Variants in MALRD1 observed in about 807,000 individuals in gnomAD.
MALRD1 encodes the protein MAM and LDL-receptor class A domain-containing protein 1.
A neutral mutation model predicts 242.1 loss-of-function variants in MALRD1; 247 were observed. The observed-to-expected ratio is 1.02, with a 90% confidence interval of 0.92 to 1.13. The LOEUF (loss-of-function observed/expected upper bound fraction) is 1.13. Ranked by LOEUF, MALRD1 falls within the 50% of genes most tolerant of loss-of-function variation. The pLI, the probability that MALRD1 is intolerant of heterozygous loss-of-function variation, is 0.00. For synonymous variants in MALRD1, 995 were observed against 866.6 expected, an observed-to-expected ratio of 1.15 and a Z score of -2.60; for missense variants, 2,989 against 2,533.1, an observed-to-expected ratio of 1.18 and a Z score of -3.86.
At chr10:19,440,852 C>T (rs1265085437) in intron 28 of MALRD1, among the ~76,000 whole-genome samples, 1 of 152,130 alleles carries the variant, frequency 6.6e-6, no homozygotes, top group Non-Finnish European at 1.5e-5. Flanking sequence ...TCTTTGGGTA[C>T]ATACCCAGTA....
intron 36 of MALRD1, among the ~76,000 whole-genome samples, chr10:19,649,064 A>G (rs901193436): frequency 1.3e-5 from 2 of 152,178 alleles, no homozygotes; most frequent in African/African-American, 4.8e-5. Flanking sequence ...CACAAAAGAT[A>G]TGATCTTGTT....
At chr10:19,474,192 T>G (rs1012194717) in intron 29 of MALRD1, among the ~76,000 whole-genome samples, 1 of 152,168 alleles carries the variant, frequency 6.6e-6, no homozygotes, top group Non-Finnish European at 1.5e-5. Flanking sequence ...TTTTTATTAT[T>G]GCTTTTGTCA....
intron 8 of MALRD1, among the ~76,000 whole-genome samples, chr10:19,131,522 G>A (rs1833106371): frequency 6.6e-6 from 1 of 152,136 alleles, no homozygotes; most frequent in South Asian, 2.1e-4. Context: ...TTTGTTCTGT[G>A]TAGGGTTTCC....
chr10:19,670,292 T>TCAAAGAATTC (rs999267476), intron 36 of MALRD1, among the ~76,000 whole-genome samples: 3 of 152,176 alleles, frequency 2.0e-5, no homozygotes, highest in Non-Finnish European at 4.4e-5. Context: ...GGATTCATTG[T>TCAAAGAATTC]CAAAGAATTC....
intron 11 of MALRD1, among the ~76,000 whole-genome samples, chr10:19,147,511 T>C (rs1564422707): frequency 6.6e-6 from 1 of 152,214 alleles, no homozygotes; most frequent in Non-Finnish European, 1.5e-5. Context: ...GGACTATAAA[T>C]CATTGTAACT....
At chr10:19,228,699 A>G (rs1837905820) in intron 18 of MALRD1, among the ~76,000 whole-genome samples, 1 of 151,908 alleles carries the variant, frequency 6.6e-6, no homozygotes, top group Non-Finnish European at 1.5e-5. Context: ...CAATTAGAAC[A>G]CTCTTAGGAT....
At chr10:19,626,294 AT>A (rs35740836) in intron 36 of MALRD1, among the ~76,000 whole-genome samples, 3,280 of 134,278 alleles carry the variant, frequency 0.024, 32 homozygotes, top group Middle Eastern at 0.04. Flanking sequence ...TAAAATCAAG[AT>A]TTTTTTTTTT....
intron 29 of MALRD1, among the ~76,000 whole-genome samples, chr10:19,479,086 A>G (rs1363719185): frequency 6.6e-5 from 10 of 152,228 alleles, no homozygotes; most frequent in Admixed American, 5.2e-4. Context: ...ACACAGTTCC[A>G]TGAAATACTA....
At chr10:19,216,012 C>T (rs1837296699) in intron 18 of MALRD1, among the ~76,000 whole-genome samples, 1 of 151,620 alleles carries the variant, frequency 6.6e-6, no homozygotes, top group Non-Finnish European at 1.5e-5. Flanking sequence ...CAAGACCTTT[C>T]CTTGTCAGTG....
chr10:19,708,462 T>G (rs1833965283), intron 38 of MALRD1, among the ~76,000 whole-genome samples: 1 of 113,268 alleles, frequency 8.8e-6, no homozygotes, highest in African/African-American at 2.8e-5. Context: ...CTTAGCCTCC[T>G]TAATAGCTGC....
intron 1 of MALRD1, among the ~76,000 whole-genome samples, chr10:19,058,175 A>C (rs1186522571): frequency 6.6e-6 from 1 of 152,216 alleles, no homozygotes; most frequent in East Asian, 1.9e-4. Flanking sequence ...TAGGTAAAAG[A>C]AAACGCCAGA....
At chr10:19,286,565 T>C (rs992804099) in intron 21 of MALRD1, among the ~76,000 whole-genome samples, 2 of 152,082 alleles carry the variant, frequency 1.3e-5, no homozygotes, top group Non-Finnish European at 1.5e-5. Context: ...AACTAGAAAA[T>C]CTAGAAGAAA....
intron 12 of MALRD1, among the ~76,000 whole-genome samples, chr10:19,159,125 A>G (rs1317300834): frequency 6.6e-6 from 1 of 152,196 alleles, no homozygotes; most frequent in Non-Finnish European, 1.5e-5. Flanking sequence ...TTTATTGAAG[A>G]TTCTAACCCT....
At chr10:19,074,235 C>CA (rs751280403) in intron 2 of MALRD1, among the ~76,000 whole-genome samples, 2 of 152,048 alleles carry the variant, frequency 1.3e-5, no homozygotes, top group Admixed American at 6.6e-5. Flanking sequence ...ACTGTCCAAC[C>CA]AGGCAGCAGA....
intron 32 of MALRD1, among the ~76,000 whole-genome samples, chr10:19,540,852 C>T (rs73595830): frequency 0.044 from 6,722 of 152,198 alleles, 486 homozygotes; most frequent in African/African-American, 0.15. Flanking sequence ...CAGTGGCTCA[C>T]GGCTGTAATC....
chr10:19,686,750 A>G (rs553932752), intron 36 of MALRD1, among the ~76,000 whole-genome samples: 2 of 152,284 alleles, frequency 1.3e-5, no homozygotes, highest in African/African-American at 4.8e-5. Flanking sequence ...TGGAAATGCT[A>G]TACAATTTGT....
At chr10:19,205,570 A>G (rs76220319) in intron 17 of MALRD1, among the ~76,000 whole-genome samples, 2 of 152,164 alleles carry the variant, frequency 1.3e-5, no homozygotes, top group East Asian at 3.9e-4. Context: ...ATGAAATGGT[A>G]GCTTTGATAG....
intron 36 of MALRD1, among the ~76,000 whole-genome samples, chr10:19,643,920 A>G (rs1202327042): frequency 6.6e-6 from 1 of 152,132 alleles, no homozygotes; most frequent in Non-Finnish European, 1.5e-5. Context: ...GAATGAGAGT[A>G]TCTTCCCCAG....
intron 36 of MALRD1, among the ~76,000 whole-genome samples, chr10:19,664,221 A>C (rs892134580): frequency 9.2e-5 from 14 of 152,116 alleles, no homozygotes; most frequent in African/African-American, 3.1e-4. Context: ...AATAAAATAA[A>C]ATAAAGAAAC....
Sources: gnomAD v4.1 joint callset for allele counts (sites outside exome capture counted in the v4.1 genomes callset) on GRCh38, gnomAD v4.1.1 for gene constraint, MANE v1.5 for transcripts, NCBI Gene and HGNC (gene_info 2026-07-23, HGNC 2026-07-21) for gene names.